CSGALNACT1: variants seen among roughly 807,000 people sequenced by gnomAD.
CSGALNACT1 encodes the protein chondroitin sulfate N-acetylgalactosaminyltransferase 1.
Under a neutral mutation model 51.0 loss-of-function variants are expected in CSGALNACT1, and 52 were observed. The ratio of observed to expected loss-of-function variants is 1.02; its 90% CI spans 0.82 to 1.29. The LOEUF is 1.29. CSGALNACT1 is among the 50% of genes most tolerant of loss of function. The pLI, the probability that CSGALNACT1 is intolerant of heterozygous loss-of-function variation, is 0.00. For synonymous variants in CSGALNACT1, 341 were observed against 254.4 expected, an observed-to-expected ratio of 1.34 and a Z score of -3.24; for missense variants, 935 against 679.2, an observed-to-expected ratio of 1.38 and a Z score of -4.19.
intron 3 of CSGALNACT1, among the ~76,000 whole-genome samples, chr8:19,514,475 CTATATATATATATATATATA>C (rs33928915): frequency 0.039 from 3,080 of 78,818 alleles, 360 homozygotes; most frequent in African/African-American, 0.17. Flanking sequence ...TGAACAGAGA[CTATATATATATATATATATA>C]TATATATATA....
intron 1 of CSGALNACT1, among the ~76,000 whole-genome samples, chr8:19,750,432 G>A (rs746380083): frequency 6.6e-6 from 1 of 152,172 alleles, no homozygotes; most frequent in East Asian, 1.9e-4. Context: ...CGGGGAAGAG[G>A]GAAGGGAAGG....
At chr8:19,674,885 AG>A (rs1275815404) in intron 1 of CSGALNACT1, among the ~76,000 whole-genome samples, 12 of 152,098 alleles carry the variant, frequency 7.9e-5, no homozygotes. Flanking sequence ...AGAGAATGAG[AG>A]GGGTCATGGA....
chr8:19,509,164 C>T (rs1372337412), intron 3 of CSGALNACT1, among the ~76,000 whole-genome samples: 10 of 152,164 alleles, frequency 6.6e-5, no homozygotes, highest in Non-Finnish European at 1.2e-4. Flanking sequence ...ATCTCTGAAC[C>T]GTTCCAGCAA....
At chr8:19,539,924 G>C (rs976880168) in intron 3 of CSGALNACT1, among the ~76,000 whole-genome samples, 2 of 152,178 alleles carry the variant, frequency 1.3e-5, no homozygotes, top group African/African-American at 4.8e-5. Context: ...AGTTCTGCCT[G>C]AGAGGAGTTG....
At chr8:19,655,463 C>G (rs537394642) in intron 1 of CSGALNACT1, among the ~76,000 whole-genome samples, 1 of 152,076 alleles carries the variant, frequency 6.6e-6, no homozygotes, top group Non-Finnish European at 1.5e-5. Flanking sequence ...TTGGCTCAAT[C>G]AATCCTCCCA....
intron 3 of CSGALNACT1, among the ~76,000 whole-genome samples, chr8:19,541,914 G>A (rs957000837): frequency 6.6e-6 from 1 of 152,044 alleles, no homozygotes; most frequent in African/African-American, 2.4e-5. Flanking sequence ...TATTGCTCCT[G>A]GCAGTTCTTA....
intron 3 of CSGALNACT1, among the ~76,000 whole-genome samples, chr8:19,586,164 A>C (rs553133656): frequency 6.6e-6 from 1 of 152,280 alleles, no homozygotes; most frequent in South Asian, 2.1e-4. Context: ...GGAGTTCGAG[A>C]CTAGCCTGGC....
At chr8:19,667,040 G>GAAGAAAGAAAGA (rs1177939899) in intron 1 of CSGALNACT1, among the ~76,000 whole-genome samples, 70 of 34,894 alleles carry the variant, frequency 2.0e-3, no homozygotes, top group East Asian at 0.015. Context: ...AGGAAGGAAG[G>GAAGAAAGAAAGA]AAGAAAGAAA....
At chr8:19,680,951 T>C (rs2060571680) in intron 1 of CSGALNACT1, among the ~76,000 whole-genome samples, 1 of 152,098 alleles carries the variant, frequency 6.6e-6, no homozygotes, top group African/African-American at 2.4e-5. Context: ...CACAGTTGTA[T>C]ATGTGGTCCC....
chr8:19,701,774 T>C (rs1464393817), intron 1 of CSGALNACT1, among the ~76,000 whole-genome samples: 2 of 152,188 alleles, frequency 1.3e-5, no homozygotes, highest in Middle Eastern at 3.2e-3. Flanking sequence ...CCCAAGATCT[T>C]GTGGCTAATA....
At chr8:19,717,988 C>T (rs957529115) in intron 1 of CSGALNACT1, among the ~76,000 whole-genome samples, 1 of 152,218 alleles carries the variant, frequency 6.6e-6, no homozygotes, top group South Asian at 2.1e-4. Context: ...CATCCACCAT[C>T]CGCCATCAAG....
intron 1 of CSGALNACT1, among the ~76,000 whole-genome samples, chr8:19,656,565 A>G: frequency 6.6e-6 from 1 of 150,480 alleles, no homozygotes; most frequent in East Asian, 2.0e-4. Flanking sequence ...ACACACACAC[A>G]GTGACCAAGA....
chr8:19,717,043 C>T (rs1173764871), intron 1 of CSGALNACT1, among the ~76,000 whole-genome samples: 4 of 152,226 alleles, frequency 2.6e-5, no homozygotes, highest in Non-Finnish European at 4.4e-5. Flanking sequence ...GGCAAAAATT[C>T]ATATTTAATT....
intron 4 of CSGALNACT1, among the ~76,000 whole-genome samples, chr8:19,478,329 G>A (rs548302261): frequency 8.0e-5 from 12 of 149,342 alleles, no homozygotes; most frequent in African/African-American, 3.0e-4. Context: ...CAGGAGAATG[G>A]CCTCAACCCA....
exon 10 of CSGALNACT1, chr8:19,404,835 G>GAAAC (rs2053842761): frequency 2.2e-6 from 1 of 454,404 alleles, no homozygotes; most frequent in Non-Finnish European, 4.4e-6. Flanking sequence ...AGCAGAAAGT[G>GAAAC]TCATTTTCTT....
At chr8:19,658,193 G>C (rs1047721934) in intron 1 of CSGALNACT1, among the ~76,000 whole-genome samples, 1 of 151,400 alleles carries the variant, frequency 6.6e-6, no homozygotes, top group Non-Finnish European at 1.5e-5. Flanking sequence ...AACAGAATTA[G>C]TGCCCTTATA....
chr8:19,736,509 C>T lies in CSGALNACT1; in HGVS notation c.-297+21341G>A, dbSNP rs574054317. On this transcript the variant is annotated intron_variant, in intron 1 of 1. Transcript: ENST00000517494. ...TTGGGACTGAGAAAGTCATTAGGTC[C>T]CAAAACCAAAAAAAAAAAAAATAAA... Among the ~76,000 whole-genome samples, 3 of 135,414 alleles carry T rather than the reference C, an allele frequency of 2.2e-5. No individual in the cohort carries two copies. In the South Asian group the frequency reaches 7.7e-4, roughly 35 times the overall value. 88.8% of individuals were successfully genotyped at this position (135,414 alleles called of 152,430 possible).
chr8:19,714,708 T>C (rs1287961790), intron 1 of CSGALNACT1, among the ~76,000 whole-genome samples: 1 of 152,144 alleles, frequency 6.6e-6, no homozygotes, highest in Non-Finnish European at 1.5e-5. Flanking sequence ...CCAACATCTG[T>C]GACATGTCTG....
At chr8:19,691,041 GC>G in intron 1 of CSGALNACT1, among the ~76,000 whole-genome samples, 1 of 152,268 alleles carries the variant, frequency 6.6e-6, no homozygotes, top group African/African-American at 2.4e-5. Flanking sequence ...GCAGTGAGTG[GC>G]AATTGCACCA....
Sources: allele counts gnomAD v4.1 joint callset (sites outside exome capture counted in the v4.1 genomes callset), GRCh38; gene constraint gnomAD v4.1.1; transcripts MANE v1.5; gene names NCBI Gene and HGNC (gene_info 2026-07-23, HGNC 2026-07-21).